Variants in DOCK5 observed in about 807,000 individuals in gnomAD.
DOCK5 encodes dedicator of cytokinesis protein 5.
A neutral mutation model predicts 251.8 loss-of-function variants in DOCK5; 142 were observed. The observed-to-expected ratio is 0.56, with a 90% CI of 0.49 to 0.65. DOCK5 has a LOEUF of 0.65. Among genes scored for constraint, DOCK5 ranks in the 30% least tolerant of loss-of-function variants. The probability of loss-of-function intolerance (pLI) is 0.00; values close to 1 mark genes in which losing one functional copy is unlikely to be tolerated. For synonymous variants in DOCK5, 842 were observed against 835.5 expected (o/e 1.01, Z -0.13); for missense variants, 2,111 against 2,312.3 (o/e 0.91, Z 1.79).
rs1198050949 is a variant in DOCK5, at chr8:25,389,238, C to G, written c.4273+6C>G. ...CAAGTCGTCCCCCAAGCAGTGTATCCTTTCCGGGGGGAGTATGGCCCCGAG... is the reference window on the plus strand; with the variant it reads ...CAAGTCGTCCCCCAAGCAGTGTATCGTTTCCGGGGGGAGTATGGCCCCGAG... On this transcript the variant is annotated splice_donor_region_variant and intron_variant, in intron 41 of 51. Coordinates refer to ENST00000276440, the MANE Select transcript of DOCK5 (RefSeq NM_024940.8). 1.9e-6 allele frequency: 3 copies of G among 1,612,286 alleles called. No homozygotes were observed. In the African/African-American group the frequency reaches 4.0e-5, roughly 22 times the overall value.
At chr8:25,207,967 T>G (rs1004130440) in intron 1 of DOCK5, among the ~76,000 whole-genome samples, 3 of 152,206 alleles carry the variant, frequency 2.0e-5, no homozygotes, top group Non-Finnish European at 4.4e-5. Flanking sequence ...TATTGATGTT[T>G]CATGGGAGGA....
chr8:25,200,445 C>T (rs979902101), intron 1 of DOCK5, among the ~76,000 whole-genome samples: 1 of 152,124 alleles, frequency 6.6e-6, no homozygotes, highest in Non-Finnish European at 1.5e-5. Flanking sequence ...AAGATTCTGA[C>T]GCAGTGATAG....
chr8:25,194,949 C>T (rs1416200827), intron 1 of DOCK5, among the ~76,000 whole-genome samples: 2 of 151,654 alleles, frequency 1.3e-5, no homozygotes, highest in African/African-American at 4.9e-5. Context: ...GGGACGGAGT[C>T]TCGCTCTGTC....
At chr8:25,219,690 G>A (rs2117495353) in intron 1 of DOCK5, among the ~76,000 whole-genome samples, 1 of 149,286 alleles carries the variant, frequency 6.7e-6, no homozygotes, top group Middle Eastern at 3.4e-3. Flanking sequence ...GTAGTCTGTT[G>A]TCCTCTGGGG....
intron 1 of DOCK5, among the ~76,000 whole-genome samples, chr8:25,229,997 G>A (rs574322291): frequency 1.9e-4 from 29 of 152,194 alleles, no homozygotes; most frequent in African/African-American, 5.1e-4. Context: ...TAGTTTTCTC[G>A]TAAGTGAAAA....
intron 45 of DOCK5, among the ~76,000 whole-genome samples, chr8:25,397,065 TAAAA>T (rs1238651468): frequency 2.0e-5 from 3 of 151,594 alleles, no homozygotes; most frequent in Non-Finnish European, 1.5e-5. Context: ...AATAAAAACA[TAAAA>T]AAATCAGCTG....
chr8:25,273,307 A>T (rs1035412342), intron 3 of DOCK5, among the ~76,000 whole-genome samples: 1 of 152,194 alleles, frequency 6.6e-6, no homozygotes, highest in East Asian at 1.9e-4. Context: ...ATCATTAAAA[A>T]AATTAAATAG....
intron 1 of DOCK5, among the ~76,000 whole-genome samples, chr8:25,240,883 C>T (rs1389468833): frequency 2.6e-5 from 4 of 152,106 alleles, no homozygotes; most frequent in Admixed American, 6.6e-5. Context: ...GTGCTCCCTC[C>T]GGAGGCCCTC....
chr8:25,199,966 T>G (rs927087216), intron 1 of DOCK5, among the ~76,000 whole-genome samples: 2 of 148,274 alleles, frequency 1.3e-5, no homozygotes, highest in South Asian at 4.3e-4. Flanking sequence ...GTTTTAGATT[T>G]GTTAATTTAC....
At chr8:25,268,720 GTTAA>G in intron 2 of DOCK5, 121 bp from the exon 3 acceptor site, 1 of 761,076 alleles carries the variant, frequency 1.3e-6, no homozygotes, top group Non-Finnish European at 2.1e-6. Flanking sequence ...CTAACGTACT[GTTAA>G]TTGTCTCTGT....
chr8:25,190,977 G>T (rs2117440522), intron 1 of DOCK5, among the ~76,000 whole-genome samples: 1 of 151,792 alleles, frequency 6.6e-6, no homozygotes, highest in Non-Finnish European at 1.5e-5. Context: ...GTAGAGACAG[G>T]GTTTCACCGT....
intron 1 of DOCK5, among the ~76,000 whole-genome samples, chr8:25,197,573 G>GTTTT (rs1312014419): frequency 4.9e-5 from 3 of 61,732 alleles, no homozygotes; most frequent in African/African-American, 1.8e-4. Flanking sequence ...TCGTGTCTTT[G>GTTTT]TCTTTTTTTT....
intron 1 of DOCK5, among the ~76,000 whole-genome samples, chr8:25,228,581 G>C (rs1252979644): frequency 6.6e-6 from 1 of 152,156 alleles, no homozygotes; most frequent in Non-Finnish European, 1.5e-5. Context: ...GTAATTTCTA[G>C]AAAAAGGATT....
chr8:25,295,584 C>G (rs1157671061), intron 6 of DOCK5, among the ~76,000 whole-genome samples: 1 of 152,164 alleles, frequency 6.6e-6, no homozygotes, highest in Non-Finnish European at 1.5e-5. Context: ...CAAGCCAGGA[C>G]TTACTTCACT....
chr8:25,272,255 C>A (rs1198337450), intron 3 of DOCK5, among the ~76,000 whole-genome samples: 6 of 152,178 alleles, frequency 3.9e-5, no homozygotes, highest in Admixed American at 3.9e-4. Flanking sequence ...TCTTGAACTT[C>A]TGGGCTCAAG....
intron 22 of DOCK5, among the ~76,000 whole-genome samples, chr8:25,336,725 G>A (rs922660774): frequency 6.6e-6 from 1 of 152,154 alleles, no homozygotes; most frequent in African/African-American, 2.4e-5. Context: ...TCATCTCAGG[G>A]GAGGTGTTGC....
At chr8:25,312,761 CAAAAA>C (rs3085652) in intron 13 of DOCK5, among the ~76,000 whole-genome samples, 5 of 113,912 alleles carry the variant, frequency 4.4e-5, no homozygotes, top group Non-Finnish European at 6.9e-5. Flanking sequence ...GACTCCGTCT[CAAAAA>C]AAAAAAAAAA....
Position 25,326,479 on chromosome 8 carries a change from A to T in DOCK5, c.1903+932A>T, listed in dbSNP as rs571705643. Among the ~76,000 whole-genome samples, 6 of 152,328 alleles carry T rather than the reference A, an allele frequency of 3.9e-5. No homozygotes were observed. In the South Asian group the frequency reaches 1.2e-3, roughly 32 times the overall value. Reference sequence around the variant, plus strand: ...CAACTTGGACAAGTGGCTAGACTCCACAGAGTGAAGTTTAGGGCTAATCCG... The same window carrying T: ...CAACTTGGACAAGTGGCTAGACTCCTCAGAGTGAAGTTTAGGGCTAATCCG... On this transcript the variant is annotated intron_variant, in intron 18 of 51. Coordinates refer to ENST00000276440, the MANE Select transcript of DOCK5 (RefSeq NM_024940.8).
In DOCK5 at chr8:25,323,767, A is replaced by T. The variant is rs1004571106; in HGVS notation, c.1616-81A>T. 32 of 1,488,796 alleles carry T rather than the reference A, an allele frequency of 2.1e-5. No homozygotes were observed. The Admixed American group carries it at 6.0e-4, about 28-fold the overall frequency. The allele number at this position is 1,488,796 out of a possible 1,614,324, so 92.2% of individuals were successfully genotyped here. The stretch of plus-strand genomic sequence containing the variant: ...AATATGGTTGAACGCTGCACCCCCG[A>T]GCAAAATGTGAAATCGTGTCATAGC... On this transcript the variant is annotated intron_variant, in intron 16 of 51. Coordinates refer to ENST00000276440, the MANE Select transcript of DOCK5 (RefSeq NM_024940.8).
Sources: gnomAD v4.1 joint callset for allele counts (sites outside exome capture counted in the v4.1 genomes callset) on GRCh38, gnomAD v4.1.1 for gene constraint, MANE v1.5 for transcripts, NCBI Gene and HGNC (gene_info 2026-07-23, HGNC 2026-07-21) for gene names.